SCUBE1: variants seen among roughly 807,000 people sequenced by gnomAD.
SCUBE1 encodes the protein signal peptide, CUB domain and EGF like domain containing 1, also known as signal peptide, CUB and EGF-like domain-containing protein 1.
Under a neutral mutation model 124.4 loss-of-function variants are expected in SCUBE1, and 59 were observed. That is an observed-to-expected ratio of 0.47 (90% confidence interval 0.38 to 0.59). The LOEUF (loss-of-function observed/expected upper bound fraction) is 0.59. Among genes scored for constraint, SCUBE1 ranks in the 20% least tolerant of loss-of-function variants. The pLI is 0.00. For missense variants in SCUBE1, 1,150 were observed against 1,371.2 expected (o/e 0.84, Z 2.55); for synonymous variants, 545 against 550.9 (o/e 0.99, Z 0.15).
In SCUBE1 at chr22:43,207,569, G is replaced by A. The variant is rs374680767; in HGVS notation, c.2779C>T (p.Leu927=). 7.4e-6 allele frequency: 12 copies of A among 1,614,008 alleles called. No homozygotes were observed. The highest frequency in any genetic ancestry group is 1.7e-5 in the Admixed American group (1 of 60,012). The part of the protein sequence containing the change: ...LIEDIVRDGR[L]YASENHQEIL... ...TCCTGGTGGTTCTCCGAGGCGTACA[G>A]GCGCCCATCGCGCACGATGTCCTCT... The change falls in exon 21 of 22, where the codon CTG becomes TTG. Residue 927 remains leucine (L), a synonymous_variant. Coordinates refer to ENST00000360835, the MANE Select transcript of SCUBE1 (RefSeq NM_173050.5).
intron 4 of SCUBE1, among the ~76,000 whole-genome samples, 199 bp from the exon 5 acceptor site, chr22:43,263,044 G>C (rs1923931833): frequency 6.6e-6 from 1 of 152,228 alleles, no homozygotes; most frequent in Admixed American, 6.5e-5. Context: ...CCCTTAGGGA[G>C]AAAGCAAGGG....
chr22:43,328,486 A>G (rs1331074536), intron 2 of SCUBE1, among the ~76,000 whole-genome samples: 1 of 152,200 alleles, frequency 6.6e-6, no homozygotes, highest in Admixed American at 6.5e-5. Flanking sequence ...CAAGCTCAGG[A>G]GGACAATCAC....
chr22:43,227,004 C>T (rs1922345206), intron 10 of SCUBE1, among the ~76,000 whole-genome samples: 1 of 152,144 alleles, frequency 6.6e-6, no homozygotes, highest in Admixed American at 6.5e-5. Flanking sequence ...GGGAAGCTAC[C>T]AGAGGAGAGG....
chr22:43,216,675 A>T (rs1474219926), intron 15 of SCUBE1, among the ~76,000 whole-genome samples: 30 of 151,910 alleles, frequency 2.0e-4, no homozygotes, highest in Admixed American at 2.0e-3. Context: ...ACAAACAAAA[A>T]AAGAAAGTAG....
At chr22:43,323,303 C>A (rs564131344) in intron 2 of SCUBE1, among the ~76,000 whole-genome samples, 8 of 152,230 alleles carry the variant, frequency 5.3e-5, no homozygotes, top group Admixed American at 2.0e-4. Context: ...TCCTTTCATC[C>A]AAACACCCAT....
Position 43,203,247 on chromosome 22 carries a change from T to G in SCUBE1, c.*750A>C, listed in dbSNP as rs1024242940. On this transcript the variant is annotated 3_prime_UTR_variant, in exon 22 of 22. Coordinates refer to ENST00000360835, the MANE Select transcript of SCUBE1 (RefSeq NM_173050.5). ...ATGCTGGGAGGAGCTGTTTAATCGT[T>G]CAGGGAGGCTGATAGCTGCTGGGAC... 1.3e-5 allele frequency: 2 copies of G among 152,046 alleles called. No individual in the cohort carries two copies. The highest frequency in any genetic ancestry group is 1.3e-4 in the Admixed American group (2 of 15,272). 9.4% of individuals were successfully genotyped at this position (152,046 alleles called of 1,614,324 possible).
At chr22:43,294,898 T>C (rs1000133025) in intron 3 of SCUBE1, among the ~76,000 whole-genome samples, 1 of 152,108 alleles carries the variant, frequency 6.6e-6, no homozygotes, top group Admixed American at 6.5e-5. Context: ...ATAACGGCAA[T>C]TGCTGCCAGC....
At chr22:43,328,002 A>T (rs1385724304) in intron 2 of SCUBE1, among the ~76,000 whole-genome samples, 1 of 152,120 alleles carries the variant, frequency 6.6e-6, no homozygotes, top group Admixed American at 6.6e-5. Context: ...ATCTCCAGGG[A>T]TCTCTGCCTG....
At position 43,210,588 on chromosome 22, in the gene SCUBE1, C is replaced by G. The variant is rs1921502840; in HGVS notation, c.2383+334G>C. 6.6e-6 allele frequency among the ~76,000 whole-genome samples: 1 copy of G among 152,190 alleles called. No homozygotes were observed. Among genetic ancestry groups the G allele is most frequent in the African/African-American group, 2.4e-5 (1 of 41,452 alleles). ...GCCCTGCTCTCTCTAGAGGCCCTGT[C>G]AGTGCCCCTGTAGGCTGTCAGCCCC... is the stretch of plus-strand genomic sequence containing the variant. On this transcript the variant is annotated intron_variant, in intron 18 of 21. Transcript: ENST00000360835. The surrounding 1 kb of genome is among the most constrained non-coding windows in gnomAD (Gnocchi z 4.5).
chr22:43,202,424 T>A lies in SCUBE1; in HGVS notation c.*1573A>T, dbSNP rs944251138. 1 of 152,212 alleles carries A rather than the reference T, an allele frequency of 6.6e-6. No homozygotes were observed. Among genetic ancestry groups the A allele is most frequent in the African/African-American group, 2.4e-5 (1 of 41,438 alleles). The allele number at this position is 152,212 out of a possible 1,614,324, so 9.4% of individuals were successfully genotyped here. On this transcript the variant is annotated 3_prime_UTR_variant, in exon 22 of 22. Coordinates refer to ENST00000360835, the MANE Select transcript of SCUBE1 (RefSeq NM_173050.5). ...GTTCCTTGGGATTTTCAGTATTTGT[T>A]AACCTGAAACACACAGACCATTTCC...
chr22:43,240,964 T>G (rs1601821873), intron 6 of SCUBE1, among the ~76,000 whole-genome samples: 2 of 151,300 alleles, frequency 1.3e-5, no homozygotes, highest in African/African-American at 2.4e-5. Context: ...GTGCAGAGGG[T>G]GGGGGAGACA....
At position 43,229,616 on chromosome 22, in the gene SCUBE1, G is replaced by T. The variant is rs1922472176; in HGVS notation, c.968-428C>A. Among the ~76,000 whole-genome samples, 4 of 152,210 alleles carry T rather than the reference G, an allele frequency of 2.6e-5. No individual in the cohort carries two copies. The South Asian group carries it at 6.2e-4, about 24-fold the overall frequency. On this transcript the variant is annotated intron_variant, in intron 8 of 21. Coordinates refer to ENST00000360835, the MANE Select transcript of SCUBE1 (RefSeq NM_173050.5). Reference sequence around the variant, plus strand: ...CATAAACCTAGGCCTCTTGGATGCTGACCAAAGCATCTTTCCCCATCACCC... The same window carrying T: ...CATAAACCTAGGCCTCTTGGATGCTTACCAAAGCATCTTTCCCCATCACCC...
chr22:43,244,733 G>T (rs1923139032), intron 6 of SCUBE1, among the ~76,000 whole-genome samples: 1 of 152,244 alleles, frequency 6.6e-6, no homozygotes, highest in Non-Finnish European at 1.5e-5. Flanking sequence ...CCTGTGTTGT[G>T]CCTGAACATC....
chr22:43,215,719 G>C (rs2146660756), intron 15 of SCUBE1, among the ~76,000 whole-genome samples: 1 of 152,274 alleles, frequency 6.6e-6, no homozygotes, highest in African/African-American at 2.4e-5. Flanking sequence ...GGGCAGGAGA[G>C]GCAGGGAAAG....
intron 21 of SCUBE1, among the ~76,000 whole-genome samples, chr22:43,204,500 T>A (rs1312482027): frequency 6.6e-6 from 1 of 151,860 alleles, no homozygotes; most frequent in African/African-American, 2.4e-5. Context: ...ATTTTCACCA[T>A]GTTGGCCAGC....
At chr22:43,218,042 T>G (rs1921913571) in intron 15 of SCUBE1, among the ~76,000 whole-genome samples, 1 of 152,076 alleles carries the variant, frequency 6.6e-6, no homozygotes, top group East Asian at 1.9e-4. Context: ...CTCCTCAGAC[T>G]GTGATCACAT....
Position 43,201,833 on chromosome 22 carries a change from C to G in SCUBE1, c.*2164G>C, listed in dbSNP as rs898678867. 1 of 152,252 alleles carries G rather than the reference C, an allele frequency of 6.6e-6. No individual in the cohort carries two copies. The highest frequency in any genetic ancestry group is 1.5e-5 in the Non-Finnish European group (1 of 68,056). 9.4% of individuals were successfully genotyped at this position (152,252 alleles called of 1,614,324 possible). ...GGAGAACACTCGTGAAGAGGCGACACCCCTCCCGGCACCTTCCTCAGGAGC... is the reference window on the plus strand; with the variant it reads ...GGAGAACACTCGTGAAGAGGCGACAGCCCTCCCGGCACCTTCCTCAGGAGC... On this transcript the variant is annotated 3_prime_UTR_variant, in exon 22 of 22. Transcript: ENST00000360835.
chr22:43,339,776 TC>T (rs1477891592), intron 1 of SCUBE1, among the ~76,000 whole-genome samples: 16 of 21,758 alleles, frequency 7.4e-4, no homozygotes, highest in Admixed American at 2.8e-3. Context: ...CCTCATTCTA[TC>T]CCCCCACAAG....
At chr22:43,251,214 C>T (rs548573797) in intron 6 of SCUBE1, among the ~76,000 whole-genome samples, 34 of 152,250 alleles carry the variant, frequency 2.2e-4, no homozygotes, top group African/African-American at 5.3e-4. Flanking sequence ...GGGCAGCCAG[C>T]GGAGGCTCCG....
Sources: allele counts gnomAD v4.1 joint callset (sites outside exome capture counted in the v4.1 genomes callset), GRCh38; gene constraint gnomAD v4.1.1; non-coding constraint Gnocchi (gnomAD v3.1); transcripts MANE v1.5; gene names NCBI Gene and HGNC (gene_info 2026-07-23, HGNC 2026-07-21).